The following METTL21A variants were observed in gnomAD, a reference collection of about 807,000 sequenced individuals.
The protein encoded by METTL21A is protein N-lysine methyltransferase METTL21A.
A neutral mutation model predicts 20.9 loss-of-function variants in METTL21A; 22 were observed. That is an observed-to-expected ratio of 1.05 (90% CI 0.75 to 1.50). The LOEUF is 1.50. Ranked by LOEUF, METTL21A falls within the 40% of genes most tolerant of loss-of-function variation. The pLI is 0.00. For missense variants in METTL21A, 271 were observed against 266.8 expected (o/e 1.02, Z -0.11); for synonymous variants, 93 against 102.0 (o/e 0.91, Z 0.53).
chr2:207,606,407 A>T (rs1317930322), downstream of METTL21A, among the ~76,000 whole-genome samples: 1 of 152,106 alleles, frequency 6.6e-6, no homozygotes, highest in Non-Finnish European at 1.5e-5. Flanking sequence ...ACTTGAACCC[A>T]GGAGGCGGAG....
chr2:207,614,395 T>A (rs1417492732), intron 3 of METTL21A, among the ~76,000 whole-genome samples: 3 of 136,964 alleles, frequency 2.2e-5, no homozygotes, highest in Admixed American at 7.4e-5. Context: ...AAAAAAAAAA[T>A]ATCTGGGAGC....
intron 3 of METTL21A, chr2:207,600,157 T>C (rs1334727324): frequency 1.1e-5 from 2 of 179,160 alleles, no homozygotes; most frequent in Non-Finnish European, 2.4e-5. Flanking sequence ...AAGTACCATA[T>C]TGGCAACCAT....
chr2:207,596,719 C>T (rs866625150), intron 3 of METTL21A, among the ~76,000 whole-genome samples: 10 of 152,166 alleles, frequency 6.6e-5, no homozygotes, highest in Non-Finnish European at 5.9e-5. Context: ...AGGCGTGAGC[C>T]GCCACGCCTG....
chr2:207,595,818 C>G (rs2086045262), intron 3 of METTL21A, among the ~76,000 whole-genome samples: 1 of 152,180 alleles, frequency 6.6e-6, no homozygotes, highest in South Asian at 2.1e-4. Context: ...ATTCTCCCAC[C>G]TCAGCCTCCC....
At chr2:207,588,658 ATAATC>A (rs1455765033) in intron 3 of METTL21A, among the ~76,000 whole-genome samples, 3 of 151,798 alleles carry the variant, frequency 2.0e-5, no homozygotes, top group Non-Finnish European at 4.4e-5. Flanking sequence ...TGAACACAAT[ATAATC>A]TAATCAGCAC....
upstream of METTL21A, chr2:207,625,392 T>TCCGGTCTCCCGGCAC (rs1331561209): frequency 2.6e-5 from 4 of 151,892 alleles, no homozygotes; most frequent in Non-Finnish European, 5.9e-5. Flanking sequence ...GCCACGCATT[T>TCCGGTCTCCCGGCAC]CCGGTCTCCC....
intron 3 of METTL21A, among the ~76,000 whole-genome samples, chr2:207,586,221 A>G (rs2083812699): frequency 6.6e-6 from 1 of 152,206 alleles, no homozygotes; most frequent in Non-Finnish European, 1.5e-5. Context: ...ACCAAAACAT[A>G]GTATTGATAT....
intron 3 of METTL21A, among the ~76,000 whole-genome samples, chr2:207,587,307 G>A (rs1054906794): frequency 4.0e-5 from 6 of 151,532 alleles, no homozygotes; most frequent in African/African-American, 1.5e-4. Context: ...GCAGGAGAAT[G>A]GCGTGAACCC....
intron 3 of METTL21A, among the ~76,000 whole-genome samples, chr2:207,616,500 C>G (rs2089761224): frequency 6.6e-6 from 1 of 152,208 alleles, no homozygotes; most frequent in African/African-American, 2.4e-5. Flanking sequence ...CCTCTCCCCT[C>G]ATACAACTTA....
At chr2:207,587,254 A>G (rs1179636315) in intron 3 of METTL21A, among the ~76,000 whole-genome samples, 2 of 151,972 alleles carry the variant, frequency 1.3e-5, no homozygotes, top group Non-Finnish European at 2.9e-5. Context: ...TCAGCCAGGC[A>G]TGGTGGCGGG....
chr2:207,625,587 G>T (rs1274507717), upstream of METTL21A: 1 of 152,456 alleles, frequency 6.6e-6, no homozygotes, highest in African/African-American at 2.4e-5. Context: ...GCGGGAGCAA[G>T]AGTGAGATCG....
intron 2 of METTL21A, among the ~76,000 whole-genome samples, chr2:207,623,515 C>G (rs2090757909): frequency 6.6e-6 from 1 of 152,156 alleles, no homozygotes; most frequent in Non-Finnish European, 1.5e-5. Context: ...AACACATAAT[C>G]TCCATTTTGG....
At chr2:207,592,122 T>C (rs1206444125) in intron 3 of METTL21A, among the ~76,000 whole-genome samples, 1 of 152,202 alleles carries the variant, frequency 6.6e-6, no homozygotes, top group Non-Finnish European at 1.5e-5. Context: ...GAATTCTGGG[T>C]TTATCATTTT....
downstream of METTL21A, among the ~76,000 whole-genome samples, chr2:207,606,406 C>T (rs1232689792): frequency 2.6e-5 from 4 of 152,092 alleles, no homozygotes; most frequent in Admixed American, 6.5e-5. Context: ...CACTTGAACC[C>T]AGGAGGCGGA....
At chr2:207,623,854 A>G (rs947269163) in intron 2 of METTL21A, among the ~76,000 whole-genome samples, 1 of 152,176 alleles carries the variant, frequency 6.6e-6, no homozygotes, top group Admixed American at 6.5e-5. Flanking sequence ...CTATGTCTCA[A>G]AAGAAAAAAA....
chr2:207,624,166 T>C (rs985932569), intron 2 of METTL21A, 63 bp downstream of exon 2: 1 of 1,502,444 alleles, frequency 6.7e-7, no homozygotes, highest in Non-Finnish European at 8.9e-7. Flanking sequence ...CTAAAAAAAA[T>C]AAAAAATAAA....
In METTL21A at chr2:207,622,556, G is replaced by GGGAATTT. The variant is rs561742220; in HGVS notation, c.148-640_148-639insAAATTCC. On this transcript the variant is annotated intron_variant, in intron 2 of 3. Transcript: ENST00000406927. ...TGACATGAACAATTTCTATGATTTT[G>GGGAATTT]TTTAAGGGAATGCCCAGTTCCTAAA... is the stretch of plus-strand genomic sequence containing the variant. 5.3e-3 allele frequency among the ~76,000 whole-genome samples: 813 copies of GGGAATTT among 152,308 alleles called. 3 individuals are homozygous for GGGAATTT. The highest frequency in any genetic ancestry group is 8.2e-3 in the Non-Finnish European group (560 of 68,028).
chr2:207,581,827 T>A (rs1322390126), exon 4 of METTL21A: 1 of 702,112 alleles, frequency 1.4e-6, no homozygotes, highest in Admixed American at 2.0e-5. Context: ...CGCATTTAAT[T>A]ATAGTCTCCT....
chr2:207,617,848 G>A (rs1189142850), intron 3 of METTL21A, among the ~76,000 whole-genome samples: 4 of 152,150 alleles, frequency 2.6e-5, no homozygotes, highest in Admixed American at 6.5e-5. Context: ...GTTAAAAGAC[G>A]GAATCAGTGG....
Sources: allele counts gnomAD v4.1 joint callset (sites outside exome capture counted in the v4.1 genomes callset), GRCh38; gene constraint gnomAD v4.1.1; transcripts MANE v1.5; gene names NCBI Gene and HGNC (gene_info 2026-07-23, HGNC 2026-07-21).